The following PLCL2 variants were observed in gnomAD, a reference collection of about 807,000 sequenced individuals.
PLCL2 encodes inactive phospholipase C-like protein 2.
Under a neutral mutation model 79.6 loss-of-function variants are expected in PLCL2, and 4 were observed. The ratio of observed to expected loss-of-function variants is 0.05; its 90% CI spans 0.02 to 0.11. The LOEUF (loss-of-function observed/expected upper bound fraction) is 0.11, where lower values mean the gene tolerates loss of function less well. Among genes scored for constraint, PLCL2 ranks in the 10% least tolerant of loss-of-function variants. The pLI, the probability that PLCL2 is intolerant of heterozygous loss-of-function variation, is 1.00. For synonymous variants in PLCL2, 484 were observed against 457.7 expected (o/e 1.06, Z -0.73); for missense variants, 895 against 1,291.0 (o/e 0.69, Z 4.70).
At chr3:17,043,322 G>C (rs937358620) in intron 4 of PLCL2, among the ~76,000 whole-genome samples, 1 of 152,172 alleles carries the variant, frequency 6.6e-6, no homozygotes, top group Admixed American at 6.5e-5. Flanking sequence ...GATAGGTAAG[G>C]CTTGAGTAGA....
At chr3:17,028,729 C>CA (rs1225959124) in intron 3 of PLCL2, among the ~76,000 whole-genome samples, 1 of 152,022 alleles carries the variant, frequency 6.6e-6, no homozygotes, top group Non-Finnish European at 1.5e-5. Context: ...ACAATCCACT[C>CA]ACCTCAGCCT....
intron 1 of PLCL2, among the ~76,000 whole-genome samples, chr3:16,958,844 C>G (rs998842075): frequency 2.0e-5 from 3 of 152,236 alleles, no homozygotes; most frequent in African/African-American, 7.2e-5. Flanking sequence ...ACTGCCAGAT[C>G]AGGCTGCTGG....
chr3:17,064,407 A>T (rs917131096), intron 4 of PLCL2, among the ~76,000 whole-genome samples: 1 of 152,152 alleles, frequency 6.6e-6, no homozygotes, highest in Non-Finnish European at 1.5e-5. Context: ...ACATATGATT[A>T]TATCAGACAA....
In PLCL2 at chr3:17,090,064, G is replaced by A. The variant is rs2065258153; in HGVS notation, c.*152G>A. ...ATTACAGTCTATTAAAACTGTGAAT[G>A]TATGTAGCAATCCTGCGTGTGAAGG... is the stretch of plus-strand genomic sequence containing the variant. On this transcript the variant is annotated 3_prime_UTR_variant, in exon 6 of 6. Transcript: ENST00000615277. The A allele has an allele frequency of 7.3e-7, 1 of 1,371,918 alleles. No homozygotes were observed. The highest frequency in any genetic ancestry group is 1.5e-5 in the African/African-American group (1 of 68,254). 85.0% of individuals were successfully genotyped at this position (1,371,918 alleles called of 1,614,324 possible).
In PLCL2 at chr3:16,885,336, C is replaced by T; in HGVS notation, c.297C>T (p.Gly99=). The change falls in exon 1 of 6, where the codon GGC becomes GGT. Residue 99 remains glycine (G), a synonymous_variant. Coordinates refer to ENST00000615277, the MANE Select transcript of PLCL2 (RefSeq NM_001144382.2). ...VCTLPRESKP[G]GLPRRSSIIK... ...CCCTCCCCCGGGAGAGCAAGCCGGG[C>T]GGCCTGCCCCGCCGGAGCAGCATCA... is the stretch of plus-strand genomic sequence containing the variant. 2 of 654,578 alleles carry T rather than the reference C, an allele frequency of 3.1e-6. No homozygotes were observed. Among genetic ancestry groups the T allele is most frequent in the Non-Finnish European group, 2.8e-6 (1 of 362,456 alleles). The allele number at this position is 654,578 out of a possible 1,614,324, so 40.5% of individuals were successfully genotyped here.
At chr3:16,893,556 G>T (rs1336710943) in intron 1 of PLCL2, among the ~76,000 whole-genome samples, 1 of 152,158 alleles carries the variant, frequency 6.6e-6, no homozygotes, top group Non-Finnish European at 1.5e-5. Context: ...TTTCACAGCG[G>T]AAAGAGATCA....
At chr3:17,051,350 A>G (rs184494285) in intron 4 of PLCL2, among the ~76,000 whole-genome samples, 1 of 152,324 alleles carries the variant, frequency 6.6e-6, no homozygotes, top group East Asian at 1.9e-4. Flanking sequence ...TATTAAGTGG[A>G]TAGATATTCC....
intron 1 of PLCL2, among the ~76,000 whole-genome samples, chr3:17,002,757 T>C (rs905257103): frequency 6.6e-6 from 1 of 152,184 alleles, no homozygotes; most frequent in Non-Finnish European, 1.5e-5. Flanking sequence ...TCTTAGATGC[T>C]CTGTTTTGTT....
intron 3 of PLCL2, among the ~76,000 whole-genome samples, chr3:17,019,244 G>A (rs2064420022): frequency 6.6e-6 from 1 of 152,144 alleles, no homozygotes. Flanking sequence ...CACATATTCT[G>A]GGAAATCCAG....
At chr3:16,989,089 G>C (rs527883580) in intron 1 of PLCL2, among the ~76,000 whole-genome samples, 6 of 152,192 alleles carry the variant, frequency 3.9e-5, no homozygotes, top group African/African-American at 1.4e-4. Context: ...GTGATTTGAG[G>C]TGAGTGAACA....
chr3:17,075,847 A>G (rs911091486), intron 5 of PLCL2, among the ~76,000 whole-genome samples: 2 of 152,240 alleles, frequency 1.3e-5, no homozygotes, highest in African/African-American at 4.8e-5. Context: ...TGTAGGTTTC[A>G]GTACTCCATT....
At position 16,950,705 on chromosome 3, in the gene PLCL2, C is replaced by G. The variant is rs374104846; in HGVS notation, c.328-58969C>G. The stretch of plus-strand genomic sequence containing the variant: ...ATTCTCTTTTTCAGATTAAAGAAAA[C>G]TTCTATTTCTAGCATGTTGGAGTCT... On this transcript the variant is annotated intron_variant, in intron 1 of 5. Coordinates refer to ENST00000615277, the MANE Select transcript of PLCL2 (RefSeq NM_001144382.2). Among the ~76,000 whole-genome samples the G allele has an allele frequency of 4.6e-5, 7 of 151,996 alleles. 1 individual carries two copies.
intron 1 of PLCL2, among the ~76,000 whole-genome samples, chr3:16,905,414 AC>A (rs1405980302): frequency 1.1e-4 from 16 of 152,236 alleles, no homozygotes; most frequent in African/African-American, 3.6e-4. Flanking sequence ...TCTGTATCAA[AC>A]CAAAATAGCA....
chr3:16,904,234 C>T (rs1696697060), intron 1 of PLCL2, among the ~76,000 whole-genome samples: 1 of 150,456 alleles, frequency 6.6e-6, no homozygotes. Flanking sequence ...GCGTTGACTG[C>T]CCGCACAGTT....
chr3:17,046,342 C>T (rs4452307), intron 4 of PLCL2, among the ~76,000 whole-genome samples: 20,613 of 152,110 alleles, frequency 0.14, 1,665 homozygotes, highest in African/African-American at 0.22. Flanking sequence ...AAGTCTTTTC[C>T]GCTTTCTAAT....
At chr3:17,088,160 T>G (rs17043079) in intron 5 of PLCL2, among the ~76,000 whole-genome samples, 2,734 of 152,298 alleles carry the variant, frequency 0.018, 56 homozygotes, top group Admixed American at 0.048. Context: ...GATTTGGGCC[T>G]CATGACGGTT....
At chr3:16,946,513 A>G (rs1005686133) in intron 1 of PLCL2, among the ~76,000 whole-genome samples, 10 of 152,122 alleles carry the variant, frequency 6.6e-5, no homozygotes, top group African/African-American at 2.2e-4. Context: ...TTTCAGTTAC[A>G]TTGTGGATTA....
chr3:16,957,521 C>T (rs556731884), intron 1 of PLCL2, among the ~76,000 whole-genome samples: 6 of 152,124 alleles, frequency 3.9e-5, no homozygotes, highest in South Asian at 2.1e-4. Flanking sequence ...TTGGGGTGGA[C>T]AGTTCTGTAG....
At chr3:16,893,929 G>A (rs1275956436) in intron 1 of PLCL2, among the ~76,000 whole-genome samples, 1 of 152,114 alleles carries the variant, frequency 6.6e-6, no homozygotes, top group Non-Finnish European at 1.5e-5. Flanking sequence ...TGGACTGATG[G>A]GTAGCAGGTG....
Sources: gnomAD v4.1 joint callset for allele counts (sites outside exome capture counted in the v4.1 genomes callset) on GRCh38, gnomAD v4.1.1 for gene constraint, MANE v1.5 for transcripts, NCBI Gene and HGNC (gene_info 2026-07-23, HGNC 2026-07-21) for gene names.